Variants in RAD51B observed in about 807,000 individuals in gnomAD.
RAD51B encodes the protein DNA repair protein RAD51 homolog 2.
Under a neutral mutation model 42.2 loss-of-function variants are expected in RAD51B, and 38 were observed. The ratio of observed to expected loss-of-function variants is 0.90; its 90% CI spans 0.70 to 1.18. The LOEUF (loss-of-function observed/expected upper bound fraction) is 1.18, where lower values mean the gene tolerates loss of function less well. RAD51B is among the 50% of genes most tolerant of loss of function. The pLI, the probability that RAD51B is intolerant of heterozygous loss-of-function variation, is 0.00. For synonymous variants in RAD51B, 154 were observed against 145.2 expected (o/e 1.06, Z -0.43); for missense variants, 373 against 400.7 (o/e 0.93, Z 0.59).
intron 7 of RAD51B, among the ~76,000 whole-genome samples, chr14:68,214,100 C>T (rs2079766421): frequency 2.0e-5 from 3 of 152,082 alleles, no homozygotes; most frequent in Admixed American, 6.5e-5. Context: ...TCAGGTAAGG[C>T]CCTGGACAAC....
At chr14:68,078,560 G>A (rs1448950451) in intron 7 of RAD51B, among the ~76,000 whole-genome samples, 1 of 151,880 alleles carries the variant, frequency 6.6e-6, no homozygotes, top group African/African-American at 2.4e-5. Flanking sequence ...TTAATATCCT[G>A]TAAAGATAAT....
At chr14:68,215,499 A>G (rs1166941851) in intron 7 of RAD51B, among the ~76,000 whole-genome samples, 1 of 152,258 alleles carries the variant, frequency 6.6e-6, no homozygotes, top group East Asian at 1.9e-4. Context: ...TTTAATCCTT[A>G]TAATAGTTCC....
At chr14:68,110,108 A>G (rs1009768199) in intron 7 of RAD51B, among the ~76,000 whole-genome samples, 2 of 151,980 alleles carry the variant, frequency 1.3e-5, no homozygotes, top group East Asian at 1.9e-4. Flanking sequence ...CTTAGGAGCT[A>G]GTATACTAAG....
intron 10 of RAD51B, among the ~76,000 whole-genome samples, chr14:68,514,629 T>C (rs974372282): frequency 4.6e-5 from 7 of 151,860 alleles, no homozygotes; most frequent in African/African-American, 1.7e-4. Flanking sequence ...CCACTTGGGG[T>C]TTTTGTTGTT....
At chr14:67,856,524 G>A (rs2042004995) in intron 4 of RAD51B, among the ~76,000 whole-genome samples, 1 of 152,130 alleles carries the variant, frequency 6.6e-6, no homozygotes, top group Admixed American at 6.5e-5. Context: ...ATTTTTTAAT[G>A]AAGCTTTTTT....
intron 7 of RAD51B, among the ~76,000 whole-genome samples, chr14:68,096,175 G>T (rs189911864): frequency 6.6e-6 from 1 of 151,910 alleles, no homozygotes; most frequent in Non-Finnish European, 1.5e-5. Flanking sequence ...TCTTCATTAC[G>T]CTCCTCAATC....
chr14:68,381,616 C>T lies in RAD51B; in HGVS notation c.854-29808C>T, dbSNP rs576474774. Among the ~76,000 whole-genome samples the T allele has an allele frequency of 2.1e-4, 32 of 152,258 alleles. 2 individuals carry two copies. The South Asian group carries it at 4.6e-3, about 22-fold the overall frequency. On this transcript the variant is annotated intron_variant, in intron 8 of 10. Coordinates refer to ENST00000471583, the MANE Select transcript of RAD51B (RefSeq NM_133510.4). Reference sequence around the variant, plus strand: ...GCGTGAACCCAGGAGGCAGAGCTTGCAGTGAGCCGAGTTTGCGCCACTGCA... The same window carrying T: ...GCGTGAACCCAGGAGGCAGAGCTTGTAGTGAGCCGAGTTTGCGCCACTGCA...
intron 7 of RAD51B, among the ~76,000 whole-genome samples, chr14:67,986,875 G>GCA (rs1487232226): frequency 6.6e-6 from 1 of 152,138 alleles, no homozygotes; most frequent in African/African-American, 2.4e-5. Flanking sequence ...GTGACTACAG[G>GCA]CACACACCAC....
At chr14:68,563,465 G>A in intron 10 of RAD51B, 1 of 985,466 alleles carries the variant, frequency 1.0e-6, no homozygotes, top group Non-Finnish European at 1.2e-6. Flanking sequence ...GAGTACACAT[G>A]TTGTGAAAAT....
chr14:68,662,974 T>C (rs758322780), intron 11 of RAD51B, among the ~76,000 whole-genome samples: 1 of 152,146 alleles, frequency 6.6e-6, no homozygotes, highest in Admixed American at 6.5e-5. Flanking sequence ...CTGGCTTCAG[T>C]TGGGTTCTGC....
chr14:68,028,041 C>T (rs1471348555), intron 7 of RAD51B, among the ~76,000 whole-genome samples: 1 of 152,126 alleles, frequency 6.6e-6, no homozygotes, highest in African/African-American at 2.4e-5. Context: ...TGTACAGGGT[C>T]TTTGTGGCTG....
At chr14:68,256,090 A>G (rs74058869) in intron 7 of RAD51B, among the ~76,000 whole-genome samples, 1 of 152,228 alleles carries the variant, frequency 6.6e-6, no homozygotes, top group Non-Finnish European at 1.5e-5. Flanking sequence ...AGTGGAAGAA[A>G]TATGTGCTGC....
chr14:68,043,038 C>G (rs1342697384), intron 7 of RAD51B, among the ~76,000 whole-genome samples: 2 of 151,736 alleles, frequency 1.3e-5, no homozygotes, highest in Non-Finnish European at 2.9e-5. Flanking sequence ...AGGCTAAATG[C>G]TCTTTGAATG....
At chr14:68,546,410 T>TA (rs1432352420) in intron 10 of RAD51B, among the ~76,000 whole-genome samples, 1 of 151,798 alleles carries the variant, frequency 6.6e-6, no homozygotes, top group Non-Finnish European at 1.5e-5. Context: ...GGAGACAGGG[T>TA]AGGAACCTTC....
intron 7 of RAD51B, among the ~76,000 whole-genome samples, chr14:68,140,869 A>G (rs1175757511): frequency 2.0e-5 from 3 of 152,226 alleles, no homozygotes; most frequent in Admixed American, 6.5e-5. Flanking sequence ...AATTGATAGC[A>G]CTCAATCTAT....
chr14:68,143,004 G>A (rs1250178416), intron 7 of RAD51B, among the ~76,000 whole-genome samples: 8 of 150,838 alleles, frequency 5.3e-5, no homozygotes, highest in African/African-American at 1.2e-4. Flanking sequence ...AAAAAAAGGC[G>A]CGGAGGGCGA....
At chr14:68,673,542 A>G (rs756357636) in intron 11 of RAD51B, among the ~76,000 whole-genome samples, 17 of 149,452 alleles carry the variant, frequency 1.1e-4, no homozygotes, top group Non-Finnish European at 2.5e-4. Context: ...ACATACACAT[A>G]CATATGTACA....
chr14:68,016,909 A>G (rs2075785763), intron 7 of RAD51B, among the ~76,000 whole-genome samples: 1 of 152,216 alleles, frequency 6.6e-6, no homozygotes, highest in Admixed American at 6.5e-5. Flanking sequence ...AATGCCATAA[A>G]GTTAAATGAA....
intron 8 of RAD51B, among the ~76,000 whole-genome samples, chr14:68,325,082 G>A (rs749474175): frequency 5.3e-5 from 8 of 152,118 alleles, no homozygotes; most frequent in Non-Finnish European, 1.0e-4. Flanking sequence ...CCTTTGAGTG[G>A]GACAACCTGG....
Sources: allele counts gnomAD v4.1 joint callset (sites outside exome capture counted in the v4.1 genomes callset), GRCh38; gene constraint gnomAD v4.1.1; transcripts MANE v1.5; gene names NCBI Gene and HGNC (gene_info 2026-07-23, HGNC 2026-07-21).